COL19A1: variants seen among roughly 807,000 people sequenced by gnomAD.
COL19A1 encodes collagen alpha-1(XIX) chain.
COL19A1 carries 159 observed loss-of-function variants against 190.2 expected under a neutral mutation model. The ratio of observed to expected loss-of-function variants is 0.84; its 90% CI spans 0.73 to 0.95. COL19A1 has a LOEUF of 0.95. COL19A1 is among the 40% of genes least tolerant of loss of function. The probability of loss-of-function intolerance (pLI) is 0.00; values close to 1 mark genes in which losing one functional copy is unlikely to be tolerated. For synonymous variants in COL19A1, 509 were observed against 458.9 expected, an observed-to-expected ratio of 1.11 and a Z score of -1.39; for missense variants, 1,418 against 1,431.9, an observed-to-expected ratio of 0.99 and a Z score of 0.16.
intron 16 of COL19A1, among the ~76,000 whole-genome samples, chr6:70,121,213 C>G (rs1264264987): frequency 8.5e-5 from 13 of 152,090 alleles, no homozygotes; most frequent in Admixed American, 8.5e-4. Context: ...CCTGAAAAAC[C>G]TGGAAAAGTC....
chr6:70,034,419 T>TA lies in COL19A1; in HGVS notation c.1134+122dup, dbSNP rs1779234625. 1.2e-5 allele frequency: 9 copies of TA among 731,488 alleles called. No homozygotes were observed. The South Asian group carries it at 1.4e-4, about 12-fold the overall frequency. The allele number at this position is 731,488 out of a possible 1,614,324, so 45.3% of individuals were successfully genotyped here. ...CATTCTAAAATTAACCAAAAGCTGT[T>TA]ACCTTAATAGCATCTGAATAAGAAC... On this transcript the variant is annotated intron_variant, in intron 13 of 50. Transcript: ENST00000620364.
chr6:69,929,759 T>A, intron 6 of COL19A1, 59 bp downstream of exon 6: 1 of 1,449,608 alleles, frequency 6.9e-7, no homozygotes, highest in Non-Finnish European at 9.3e-7. Context: ...AAAAAAATCT[T>A]ATTAAAAACA....
chr6:69,889,285 G>C (rs1342272044), intron 2 of COL19A1, among the ~76,000 whole-genome samples: 1 of 152,204 alleles, frequency 6.6e-6, no homozygotes, highest in African/African-American at 2.4e-5. Flanking sequence ...ATAATTTCAT[G>C]TATGATAATT....
In COL19A1 at chr6:70,161,941, G is replaced by T. The variant is rs764774923; in HGVS notation, c.2334G>T (p.Pro778=). ...GIPGIPGAPG[P]TGPPGLMGRT... Reference sequence around the variant, plus strand: ...CAGGCATTCCAGGTGCTCCAGGCCCGACTGGACCCCCTGTAAGTATTTGTT... The same window carrying T: ...CAGGCATTCCAGGTGCTCCAGGCCCTACTGGACCCCCTGTAAGTATTTGTT... The change falls in exon 35 of 51, where the codon CCG becomes CCT. Residue 778 remains proline (P), a synonymous_variant. Coordinates refer to ENST00000620364, the MANE Select transcript of COL19A1 (RefSeq NM_001858.6). 3.1e-6 allele frequency: 5 copies of T among 1,604,004 alleles called. No individual in the cohort carries two copies. The highest frequency in any genetic ancestry group is 1.1e-5 in the South Asian group (1 of 89,532).
intron 31 of COL19A1, among the ~76,000 whole-genome samples, chr6:70,155,331 C>A (rs562769503): frequency 6.6e-6 from 1 of 152,296 alleles, no homozygotes; most frequent in Admixed American, 6.5e-5. Context: ...CTCCCCCACT[C>A]AGTGGCCCTT....
In COL19A1 at chr6:70,207,229, C is replaced by T. The variant is rs1475605305; in HGVS notation, c.3384C>T (p.Cys1128=). 1.2e-6 allele frequency: 2 copies of T among 1,613,886 alleles called. No individual in the cohort carries two copies. Among genetic ancestry groups the T allele is most frequent in the South Asian group, 1.1e-5 (1 of 91,076 alleles). Residue 1128 remains cysteine (C), a synonymous_variant, in exon 51 of 51, where the codon TGC becomes TGT. Coordinates refer to ENST00000620364, the MANE Select transcript of COL19A1 (RefSeq NM_001858.6). ...GPSGRCNPED[C]LYPVSHAHQR... is the part of the protein sequence containing the mutation. ...GTGGAAGATGTAACCCAGAAGATTG[C>T]CTCTATCCTGTGTCTCATGCCCATC... is the stretch of plus-strand genomic sequence containing the variant.
rs139690304 is a variant in COL19A1 at position 70,192,883 on chromosome 6, C to T, written c.3094+2502C>T. Among the ~76,000 whole-genome samples, 9 of 152,188 alleles carry T rather than the reference C, an allele frequency of 5.9e-5. No individual in the cohort carries two copies. In the East Asian group the frequency reaches 1.5e-3, roughly 26 times the overall value. On this transcript the variant is annotated intron_variant, in intron 48 of 50. Transcript: ENST00000620364. Reference sequence around the variant, plus strand: ...TCAACCATGAAAAGAGAAATGCCAGCGTATGTGTATTTTTGAATTGCAATC... The same window carrying T: ...TCAACCATGAAAAGAGAAATGCCAGTGTATGTGTATTTTTGAATTGCAATC...
chr6:70,209,904 C>T lies in COL19A1; in HGVS notation c.*2630C>T, dbSNP rs1319721975. The T allele has an allele frequency of 6.6e-6, 1 of 152,112 alleles. No homozygotes were observed. Among genetic ancestry groups the T allele is most frequent in the Admixed American group, 6.5e-5 (1 of 15,278 alleles). The allele number at this position is 152,112 out of a possible 1,614,324, so 9.4% of individuals were successfully genotyped here. Reference sequence around the variant, plus strand: ...AATGAAGTTGAGATTCGGCAGTTGCCCAATTCCTTTAATAAAAAGAAACTA... The same window carrying T: ...AATGAAGTTGAGATTCGGCAGTTGCTCAATTCCTTTAATAAAAAGAAACTA... On this transcript the variant is annotated 3_prime_UTR_variant, in exon 51 of 51. Coordinates refer to ENST00000620364, the MANE Select transcript of COL19A1 (RefSeq NM_001858.6).
chr6:70,097,173 A>T (rs946703723), intron 15 of COL19A1, among the ~76,000 whole-genome samples: 2 of 152,118 alleles, frequency 1.3e-5, no homozygotes, highest in African/African-American at 4.8e-5. Flanking sequence ...TTTAAGATAA[A>T]TGTTCTCTCA....
chr6:69,999,981 C>A (rs1777154681), intron 11 of COL19A1, among the ~76,000 whole-genome samples: 1 of 151,850 alleles, frequency 6.6e-6, no homozygotes, highest in African/African-American at 2.4e-5. Context: ...GTTTGCTGCG[C>A]CTACTGACAC....
intron 14 of COL19A1, among the ~76,000 whole-genome samples, chr6:70,065,417 G>A (rs1258619385): frequency 6.6e-6 from 1 of 152,200 alleles, no homozygotes; most frequent in African/African-American, 2.4e-5. Flanking sequence ...GTAGAAAGCT[G>A]AAACTGGGTC....
At chr6:70,077,943 G>C (rs941933968) in intron 15 of COL19A1, among the ~76,000 whole-genome samples, 5 of 152,146 alleles carry the variant, frequency 3.3e-5, no homozygotes, top group African/African-American at 9.7e-5. Context: ...CATATTGAAG[G>C]CCGTTGCTTC....
chr6:69,996,739 C>T (rs918025459), intron 11 of COL19A1, among the ~76,000 whole-genome samples: 1 of 151,846 alleles, frequency 6.6e-6, no homozygotes, highest in Non-Finnish European at 1.5e-5. Flanking sequence ...GTAACATAAG[C>T]TTATTTAAAA....
At chr6:69,982,421 A>G (rs188307508) in intron 11 of COL19A1, among the ~76,000 whole-genome samples, 1 of 151,902 alleles carries the variant, frequency 6.6e-6, no homozygotes, top group African/African-American at 2.4e-5. Context: ...TTGCATTTTT[A>G]GTGGAGATGG....
At chr6:70,070,906 C>A (rs906427359) in intron 15 of COL19A1, among the ~76,000 whole-genome samples, 1 of 152,042 alleles carries the variant, frequency 6.6e-6, no homozygotes, top group African/African-American at 2.4e-5. Context: ...TTTTTATTTA[C>A]CCAATGTTAA....
Position 70,068,476 on chromosome 6 carries a change from G to A in COL19A1, c.1224G>A (p.Arg408=), listed in dbSNP as rs142308894. 31 of 1,587,832 alleles carry A rather than the reference G, an allele frequency of 2.0e-5. No individual in the cohort carries two copies. The African/African-American group carries it at 3.5e-4, about 18-fold the overall frequency. Reference sequence around the variant, plus strand: ...GTCCACCTGGAAAAGAGGGTCAGAGGGTAAGTAAAGCTGGAACAACTGGTG... The same window carrying A: ...GTCCACCTGGAAAAGAGGGTCAGAGAGTAAGTAAAGCTGGAACAACTGGTG... The part of the protein sequence containing the change: ...PQGPPGKEGQ[R]GRRGKTGPPG... The change falls in exon 15 of 51, where the codon AGG becomes AGA. Residue 408 remains arginine, a splice_region_variant and synonymous_variant. Transcript: ENST00000620364.
chr6:70,107,546 A>ATT (rs1784051074), intron 16 of COL19A1, among the ~76,000 whole-genome samples: 1 of 152,186 alleles, frequency 6.6e-6, no homozygotes. Flanking sequence ...TTCCACTGTT[A>ATT]TTATTCTGAA....
At chr6:70,039,578 A>G (rs1426774343) in intron 14 of COL19A1, among the ~76,000 whole-genome samples, 1 of 152,230 alleles carries the variant, frequency 6.6e-6, no homozygotes. Context: ...TGAACTGCCC[A>G]GAATAACTAA....
chr6:69,958,775 A>AT (rs1323128612), intron 9 of COL19A1, among the ~76,000 whole-genome samples: 5 of 152,200 alleles, frequency 3.3e-5, no homozygotes, highest in Admixed American at 3.3e-4. Flanking sequence ...AGAACCACTA[A>AT]AACTGTCCTT....
Sources: gnomAD v4.1 joint callset for allele counts (sites outside exome capture counted in the v4.1 genomes callset) on GRCh38, gnomAD v4.1.1 for gene constraint, MANE v1.5 for transcripts, NCBI Gene and HGNC (gene_info 2026-07-23, HGNC 2026-07-21) for gene names.